The following GPC5 variants were observed in gnomAD, a reference collection of about 807,000 sequenced individuals.
GPC5 encodes glypican 5, also known as glypican-5.
In GPC5, 47 loss-of-function variants were observed where a neutral mutation model predicts 53.9. The ratio of observed to expected loss-of-function variants is 0.87; its 90% CI spans 0.69 to 1.11. GPC5 has a LOEUF of 1.11. GPC5 is among the 50% of genes most tolerant of loss of function. GPC5 has a pLI of 0.00. For missense variants in GPC5, 748 were observed against 713.1 expected, an observed-to-expected ratio of 1.05 and a Z score of -0.56; for synonymous variants, 286 against 263.3, an observed-to-expected ratio of 1.09 and a Z score of -0.84.
At chr13:91,885,044 A>G (rs962458672) in intron 5 of GPC5, among the ~76,000 whole-genome samples, 2 of 152,214 alleles carry the variant, frequency 1.3e-5, no homozygotes, top group Non-Finnish European at 2.9e-5. Flanking sequence ...TAATCATAAA[A>G]TATGAAAAAT....
chr13:92,107,888 A>G (rs2041522427), intron 6 of GPC5, among the ~76,000 whole-genome samples: 1 of 152,164 alleles, frequency 6.6e-6, no homozygotes, highest in Non-Finnish European at 1.5e-5. Context: ...ACTCACCACA[A>G]AATGCCTGAG....
At chr13:92,736,088 C>T (rs1035465657) in intron 7 of GPC5, among the ~76,000 whole-genome samples, 50 of 151,934 alleles carry the variant, frequency 3.3e-4, no homozygotes, top group African/African-American at 1.1e-3. Flanking sequence ...TACTCTCCAC[C>T]GTCATCCCCC....
chr13:92,677,534 G>T (rs918845252), intron 7 of GPC5, among the ~76,000 whole-genome samples: 1 of 152,198 alleles, frequency 6.6e-6, no homozygotes, highest in Non-Finnish European at 1.5e-5. Context: ...TGAGTCCTGA[G>T]AAAGAAGAGA....
chr13:92,755,491 G>A (rs561239680), intron 7 of GPC5, among the ~76,000 whole-genome samples: 7 of 152,086 alleles, frequency 4.6e-5, no homozygotes, highest in African/African-American at 1.7e-4. Context: ...GAGCAGAACT[G>A]AAGGCAATGG....
At chr13:91,421,527 C>A (rs768593914) in intron 1 of GPC5, among the ~76,000 whole-genome samples, 1 of 151,980 alleles carries the variant, frequency 6.6e-6, no homozygotes, top group Non-Finnish European at 1.5e-5. Flanking sequence ...AGGAATGCAA[C>A]AACAAAAAAA....
chr13:92,646,294 T>C (rs549091686), intron 7 of GPC5, among the ~76,000 whole-genome samples: 6 of 152,154 alleles, frequency 3.9e-5, no homozygotes, highest in Admixed American at 6.5e-5. Flanking sequence ...TCTTTCACCA[T>C]TGAAAATCAA....
At chr13:91,697,317 A>G (rs2035899759) in intron 3 of GPC5, among the ~76,000 whole-genome samples, 1 of 151,882 alleles carries the variant, frequency 6.6e-6, no homozygotes. Flanking sequence ...TAATTTTTGT[A>G]GTTTTAGTAG....
intron 5 of GPC5, among the ~76,000 whole-genome samples, chr13:91,866,420 G>C (rs2039085791): frequency 6.6e-6 from 1 of 152,112 alleles, no homozygotes; most frequent in Admixed American, 6.5e-5. Flanking sequence ...TTTTCCCAAA[G>C]GTGGATCCCC....
chr13:91,707,008 A>T (rs1001275542), intron 3 of GPC5, among the ~76,000 whole-genome samples: 1 of 152,174 alleles, frequency 6.6e-6, no homozygotes, highest in South Asian at 2.1e-4. Context: ...TAGGCTTATT[A>T]TATAATTCCA....
intron 5 of GPC5, among the ~76,000 whole-genome samples, chr13:91,761,032 A>T (rs141955862): frequency 2.0e-5 from 3 of 152,140 alleles, no homozygotes; most frequent in Non-Finnish European, 4.4e-5. Flanking sequence ...TCTCTTCATT[A>T]CAAAACAACA....
intron 6 of GPC5, among the ~76,000 whole-genome samples, chr13:91,985,076 CA>C (rs2040394589): frequency 6.6e-6 from 1 of 152,098 alleles, no homozygotes; most frequent in Admixed American, 6.5e-5. Flanking sequence ...TATGATTATG[CA>C]TTTGTCTAAG....
intron 5 of GPC5, among the ~76,000 whole-genome samples, chr13:91,792,840 G>T (rs1185794387): frequency 6.6e-6 from 1 of 152,158 alleles, no homozygotes; most frequent in Non-Finnish European, 1.5e-5. Flanking sequence ...GCATGTGGTT[G>T]CAGTTGTGTT....
chr13:92,835,073 C>T (rs182224301), intron 7 of GPC5, among the ~76,000 whole-genome samples: 2 of 152,170 alleles, frequency 1.3e-5, no homozygotes, highest in Non-Finnish European at 2.9e-5. Context: ...CAAATTTTTA[C>T]TCACCAAATG....
At chr13:92,415,960 G>A (rs1028910021) in intron 7 of GPC5, among the ~76,000 whole-genome samples, 32 of 152,322 alleles carry the variant, frequency 2.1e-4, no homozygotes, top group African/African-American at 7.2e-4. Flanking sequence ...ATAAATTACA[G>A]ATGAAGACAT....
At chr13:91,699,640 G>A (rs1044105301) in intron 3 of GPC5, among the ~76,000 whole-genome samples, 3 of 152,154 alleles carry the variant, frequency 2.0e-5, no homozygotes, top group Admixed American at 1.3e-4. Context: ...AATTGAGAGC[G>A]GAAAATATAA....
chr13:92,415,448 G>GA (rs112524393), intron 7 of GPC5, among the ~76,000 whole-genome samples: 5,199 of 152,278 alleles, frequency 0.034, 286 homozygotes, highest in African/African-American at 0.12. Context: ...AATTGGGTAT[G>GA]AGAAGTGAAG....
chr13:91,797,035 A>G (rs2038057782), intron 5 of GPC5, among the ~76,000 whole-genome samples: 2 of 152,156 alleles, frequency 1.3e-5, no homozygotes. Context: ...AACAATGATC[A>G]TAATTTCTTA....
intron 7 of GPC5, among the ~76,000 whole-genome samples, chr13:92,544,409 A>G (rs1368048892): frequency 6.6e-6 from 1 of 152,214 alleles, no homozygotes; most frequent in Non-Finnish European, 1.5e-5. Flanking sequence ...GACATTGCTC[A>G]AAGGAGTATT....
intron 2 of GPC5, among the ~76,000 whole-genome samples, chr13:91,472,264 C>T (rs1340884961): frequency 2.0e-5 from 3 of 152,106 alleles, no homozygotes; most frequent in Non-Finnish European, 2.9e-5. Context: ...CAATTACGGT[C>T]TTCTTTAGAT....
Sources: allele counts gnomAD v4.1 joint callset (sites outside exome capture counted in the v4.1 genomes callset), GRCh38; gene constraint gnomAD v4.1.1; transcripts MANE v1.5; gene names NCBI Gene and HGNC (gene_info 2026-07-23, HGNC 2026-07-21).